Variants in TTC39B observed in about 807,000 individuals in gnomAD.
The protein encoded by TTC39B is tetratricopeptide repeat domain 39B.
In TTC39B, 92 loss-of-function variants were observed where a neutral mutation model predicts 96.6. That is an observed-to-expected ratio of 0.95 (90% CI 0.80 to 1.13). The LOEUF (loss-of-function observed/expected upper bound fraction) is 1.13. Among genes scored for constraint, TTC39B ranks in the 50% most tolerant of loss-of-function variants. The pLI is 0.00. For synonymous variants in TTC39B, 367 were observed against 299.4 expected (o/e 1.23, Z -2.33); for missense variants, 955 against 809.3 (o/e 1.18, Z -2.18).
In TTC39B at chr9:15,185,403, C is replaced by T. The variant is rs1351099317; in HGVS notation, c.1491G>A (p.Gln497=). ...CAATTCTCTGCTTCAAGCTGTCCACCTGTCTGTGAAGAACCCCAGCCCAGC... is the reference window on the plus strand; with the variant it reads ...CAATTCTCTGCTTCAAGCTGTCCACTTGTCTGTGAAGAACCCCAGCCCAGC... Residue 497 remains glutamine, a synonymous_variant, in exon 16 of 20, where the codon CAG becomes CAA. Transcript: ENST00000512701. The T allele has an allele frequency of 3.7e-6, 6 of 1,613,550 alleles. No homozygotes were observed. In the Admixed American group the frequency reaches 6.7e-5, roughly 18 times the overall value.
At chr9:15,266,052 A>G (rs57197735) in intron 2 of TTC39B, among the ~76,000 whole-genome samples, 6,319 of 152,276 alleles carry the variant, frequency 0.041, 448 homozygotes, top group African/African-American at 0.14. Flanking sequence ...AATCTGGATA[A>G]CGTATGGACT....
At chr9:15,301,858 T>G (rs976681302) in intron 1 of TTC39B, among the ~76,000 whole-genome samples, 3 of 152,002 alleles carry the variant, frequency 2.0e-5, no homozygotes, top group Admixed American at 6.6e-5. Flanking sequence ...CAGAATTAGA[T>G]CTAAAAATTC....
chr9:15,166,198 G>T (rs1260781903), exon 20 of TTC39B: 1 of 152,192 alleles, frequency 6.6e-6, no homozygotes. Flanking sequence ...AATGAAGTTT[G>T]TTATTAAAGT....
chr9:15,276,334 A>AT (rs1823542803), intron 1 of TTC39B, among the ~76,000 whole-genome samples: 1 of 152,124 alleles, frequency 6.6e-6, no homozygotes, highest in South Asian at 2.1e-4. Flanking sequence ...TAGTATCCCT[A>AT]TAGAAAATCC....
At chr9:15,296,879 G>A (rs1824400210) in intron 1 of TTC39B, among the ~76,000 whole-genome samples, 1 of 152,174 alleles carries the variant, frequency 6.6e-6, no homozygotes, top group South Asian at 2.1e-4. Context: ...CAAGGCTGGG[G>A]GATCATGCGA....
intron 1 of TTC39B, among the ~76,000 whole-genome samples, chr9:15,274,766 A>ATT (rs1823478800): frequency 1.3e-5 from 2 of 152,240 alleles, no homozygotes; most frequent in African/African-American, 4.8e-5. Flanking sequence ...GGTTTGTCAA[A>ATT]TTCCAGGCAA....
intron 1 of TTC39B, among the ~76,000 whole-genome samples, chr9:15,300,383 T>G (rs1287485601): frequency 6.6e-6 from 1 of 152,146 alleles, no homozygotes; most frequent in Non-Finnish European, 1.5e-5. Flanking sequence ...CCAAGTCAAG[T>G]CCTCTTTCAC....
At position 15,182,480 on chromosome 9, in the gene TTC39B, C is replaced by T. The variant is rs2118629478; in HGVS notation, c.1615-65G>A. The T allele has an allele frequency of 7.3e-6, 8 of 1,096,996 alleles. No individual in the cohort carries two copies. In the South Asian group the frequency reaches 1.2e-4, roughly 17 times the overall value. 68.0% of individuals were successfully genotyped at this position (1,096,996 alleles called of 1,614,324 possible). ...GTTATTCAATGTCCTTTATGATCCC[C>T]AAACAATGTTCATGTGTTTTGCTTC... On this transcript the variant is annotated intron_variant, in intron 16 of 19. Coordinates refer to ENST00000512701, the Ensembl canonical transcript of TTC39B.
At chr9:15,226,223 T>C (rs1382660649) in intron 2 of TTC39B, among the ~76,000 whole-genome samples, 1 of 152,232 alleles carries the variant, frequency 6.6e-6, no homozygotes, top group East Asian at 1.9e-4. Context: ...TTTTTCATTC[T>C]AGTACACAAA....
exon 20 of TTC39B, chr9:15,165,359 A>G (rs1408837229): frequency 4.0e-5 from 6 of 151,168 alleles, no homozygotes; most frequent in African/African-American, 1.2e-4. Flanking sequence ...GGAAAAAAAG[A>G]AAAAAAAAGG....
intron 1 of TTC39B, among the ~76,000 whole-genome samples, chr9:15,298,660 G>A (rs1824469124): frequency 6.6e-6 from 1 of 152,158 alleles, no homozygotes; most frequent in Non-Finnish European, 1.5e-5. Flanking sequence ...TGGGGATTAT[G>A]TGAGCTATGA....
chr9:15,272,029 G>A (rs970207897), intron 1 of TTC39B, among the ~76,000 whole-genome samples: 6 of 152,332 alleles, frequency 3.9e-5, no homozygotes, highest in African/African-American at 1.4e-4. Flanking sequence ...AAAAGGCAGA[G>A]ACTGCTCATG....
intron 2 of TTC39B, among the ~76,000 whole-genome samples, chr9:15,257,741 C>A (rs988635397): frequency 1.2e-4 from 18 of 151,170 alleles, no homozygotes; most frequent in Non-Finnish European, 2.1e-4. Flanking sequence ...AGCCACCGTG[C>A]CTGACGCAAA....
At chr9:15,195,755 C>T (rs1819129662) in intron 8 of TTC39B, among the ~76,000 whole-genome samples, 5 of 151,332 alleles carry the variant, frequency 3.3e-5, no homozygotes, top group Admixed American at 3.3e-4. Flanking sequence ...GAATATCTAG[C>T]TAAGATCACT....
exon 4 of TTC39B, chr9:15,214,173 T>G (rs777408455): frequency 1.7e-5 from 28 of 1,613,962 alleles, no homozygotes; most frequent in Middle Eastern, 3.3e-4. Flanking sequence ...TCTGTAAATT[T>G]GTTGCTTAGA....
intron 1 of TTC39B, among the ~76,000 whole-genome samples, chr9:15,270,174 A>G (rs1182452826): frequency 2.9e-5 from 4 of 137,952 alleles, no homozygotes; most frequent in Admixed American, 7.0e-5. Flanking sequence ...CATCTCAAGG[A>G]AAAAAAAAAA....
chr9:15,215,000 G>T (rs374987309), intron 3 of TTC39B, among the ~76,000 whole-genome samples: 1 of 152,212 alleles, frequency 6.6e-6, no homozygotes, highest in Non-Finnish European at 1.5e-5. Context: ...TTTGGCTCAT[G>T]CCCGGCACTT....
intron 1 of TTC39B, among the ~76,000 whole-genome samples, chr9:15,295,130 A>T (rs974243636): frequency 6.6e-6 from 1 of 152,214 alleles, no homozygotes; most frequent in African/African-American, 2.4e-5. Flanking sequence ...CATTACAAAC[A>T]AACTTAAACA....
chr9:15,234,090 AT>A (rs1821622670), intron 2 of TTC39B, among the ~76,000 whole-genome samples: 1 of 127,800 alleles, frequency 7.8e-6, no homozygotes, highest in Non-Finnish European at 1.7e-5. Context: ...CCGCGACCCC[AT>A]CTGGGAGGTG....
Sources: allele counts gnomAD v4.1 joint callset (sites outside exome capture counted in the v4.1 genomes callset), GRCh38; gene constraint gnomAD v4.1.1; transcripts MANE v1.5; gene names NCBI Gene and HGNC (gene_info 2026-07-23, HGNC 2026-07-21).